The following KDM6A variants were observed in gnomAD, a reference collection of about 807,000 sequenced individuals.
The protein encoded by KDM6A is lysine-specific demethylase 6A.
A neutral mutation model predicts 117.6 loss-of-function variants in KDM6A; 11 were observed. The observed-to-expected ratio is 0.09, with a 90% CI of 0.06 to 0.15. KDM6A has a LOEUF of 0.15. KDM6A is among the 10% of genes least tolerant of loss of function. KDM6A has a pLI of 1.00. For missense variants in KDM6A, 799 were observed against 1,077.3 expected (o/e 0.74, Z 3.62); for synonymous variants, 384 against 396.1 (o/e 0.97, Z 0.36).
chrX:44,920,482 A>G (rs2035851892), intron 2 of KDM6A, among the ~76,000 whole-genome samples: 1 of 107,455 alleles, frequency 9.3e-6, no homozygotes, highest in Admixed American at 1.0e-4. Flanking sequence ...TCTGTCGCCC[A>G]GGCTGGAGTG....
intron 6 of KDM6A, among the ~76,000 whole-genome samples, chrX:45,025,205 C>T (rs1467799018): frequency 1.8e-5 from 2 of 111,327 alleles, no homozygotes; most frequent in Non-Finnish European, 3.8e-5. Context: ...CTCTGTTGCC[C>T]AGGCTGGAAT....
At chrX:44,892,068 G>T (rs1222269791) in intron 2 of KDM6A, among the ~76,000 whole-genome samples, 1 of 112,243 alleles carries the variant, frequency 8.9e-6, no homozygotes, top group Non-Finnish European at 1.9e-5. Context: ...GCTTCTAAGA[G>T]AAGTTACTAT....
chrX:45,064,893 A>C (rs372244598), intron 17 of KDM6A, among the ~76,000 whole-genome samples: 3 of 112,092 alleles, frequency 2.7e-5, no homozygotes, highest in East Asian at 5.6e-4. Context: ...CTGAGTACCT[A>C]CTAGGTTCAT....
chrX:45,041,189 CCCCT>C, intron 8 of KDM6A, among the ~76,000 whole-genome samples: 1 of 82,359 alleles, frequency 1.2e-5, no homozygotes, highest in African/African-American at 5.8e-5. Context: ...CCCCCCCTCC[CCCCT>C]CCCGGACGGG....
intron 10 of KDM6A, among the ~76,000 whole-genome samples, chrX:45,054,553 T>C (rs989543799): frequency 4.5e-5 from 5 of 112,083 alleles, no homozygotes; most frequent in Non-Finnish European, 9.4e-5. Context: ...ATACTATTTA[T>C]CCATTGAATG....
chrX:45,085,830 C>A, intron 24 of KDM6A, 35 bp from the exon 25 acceptor site: 1 of 844,669 alleles, frequency 1.2e-6, no homozygotes, highest in Non-Finnish European at 1.8e-6. Context: ...AATTGCACCA[C>A]TGGAGCTCCA....
chrX:44,957,136 A>T (rs1011528543), intron 2 of KDM6A, among the ~76,000 whole-genome samples: 7 of 110,924 alleles, frequency 6.3e-5, no homozygotes, highest in East Asian at 2.8e-4. Context: ...ATCTCAAAAA[A>T]AAATAAATAA....
intron 6 of KDM6A, among the ~76,000 whole-genome samples, chrX:45,021,865 C>T (rs1439085745): frequency 8.9e-6 from 1 of 111,840 alleles, no homozygotes; most frequent in Non-Finnish European, 1.9e-5. Context: ...GAAGTTACCA[C>T]TTTTCCTCAA....
intron 10 of KDM6A, 146 bp downstream of exon 10, chrX:45,054,101 AAAC>A: frequency 1.7e-5 from 11 of 660,050 alleles, no homozygotes; most frequent in Admixed American, 2.8e-5. Flanking sequence ...CCTGAAAGTT[AAAC>A]AACAAGATAA....
chrX:45,038,955 A>G (rs1187198360), intron 8 of KDM6A, among the ~76,000 whole-genome samples: 16 of 110,016 alleles, frequency 1.5e-4, no homozygotes, highest in Admixed American at 1.5e-3. Flanking sequence ...GTTTTGGCCC[A>G]AGTGTTACAA....
intron 6 of KDM6A, among the ~76,000 whole-genome samples, chrX:45,025,229 C>T (rs2042320573): frequency 9.0e-6 from 1 of 110,720 alleles, no homozygotes. Flanking sequence ...GTGGTGTGAA[C>T]TCGGCTCACT....
chrX:44,936,517 A>G (rs931119354), intron 2 of KDM6A, among the ~76,000 whole-genome samples: 3 of 111,758 alleles, frequency 2.7e-5, no homozygotes, highest in African/African-American at 9.8e-5. Context: ...TTTATAGTTC[A>G]TTTGCAGTTC....
At chrX:45,070,559 G>C (rs1233985048) in intron 18 of KDM6A, among the ~76,000 whole-genome samples, 2 of 111,384 alleles carry the variant, frequency 1.8e-5, no homozygotes, top group Non-Finnish European at 3.8e-5. Flanking sequence ...TGCTTATTTT[G>C]AGTGGGTGTG....
At chrX:44,944,157 G>A (rs922912833) in intron 2 of KDM6A, among the ~76,000 whole-genome samples, 6 of 110,822 alleles carry the variant, frequency 5.4e-5, no homozygotes, top group African/African-American at 2.0e-4. Flanking sequence ...TTCGAGACCA[G>A]CCTGGACAAC....
chrX:45,092,793 T>G (rs776715294), intron 27 of KDM6A, among the ~76,000 whole-genome samples: 1 of 111,466 alleles, frequency 9.0e-6, no homozygotes, highest in Non-Finnish European at 1.9e-5. Context: ...TGCTTAGCCC[T>G]GAATAATGAG....
Position 45,059,002 on chromosome X carries a change from T to G in KDM6A, c.876-4T>G, listed in dbSNP as rs1458962528. On this transcript the variant is annotated splice_region_variant and splice_polypyrimidine_tract_variant and intron_variant, in intron 10 of 29. Transcript: ENST00000611820. ...TTTTTTTTTTTTTTCCCTTCCCTTC[T>G]CAGGTGCTATTCAAGTATTGGGAAA... is the stretch of plus-strand genomic sequence containing the variant. The G allele has an allele frequency of 8.5e-7, 1 of 1,176,850 alleles. No homozygotes were observed. Among genetic ancestry groups the G allele is most frequent in the South Asian group, 1.8e-5 (1 of 56,100 alleles).
At chrX:44,909,317 C>A (rs1461844323) in intron 2 of KDM6A, among the ~76,000 whole-genome samples, 1 of 111,535 alleles carries the variant, frequency 9.0e-6, no homozygotes, top group East Asian at 2.8e-4. Flanking sequence ...GAATAGTATT[C>A]CGGCGTTCAA....
At chrX:44,895,832 A>G (rs1316414998) in intron 2 of KDM6A, among the ~76,000 whole-genome samples, 2 of 100,459 alleles carry the variant, frequency 2.0e-5, no homozygotes, top group Admixed American at 2.1e-4. Flanking sequence ...TGTGTTTCTC[A>G]TTCATCTGCT....
intron 15 of KDM6A, among the ~76,000 whole-genome samples, chrX:45,062,199 CTTG>C (rs1424968799): frequency 9.0e-6 from 1 of 111,510 alleles, no homozygotes; most frequent in African/African-American, 3.3e-5. Context: ...GAAGAGCTTC[CTTG>C]TTCTTTTATG....
Sources: allele counts gnomAD v4.1 joint callset (sites outside exome capture counted in the v4.1 genomes callset), GRCh38; gene constraint gnomAD v4.1.1; transcripts MANE v1.5; gene names NCBI Gene and HGNC (gene_info 2026-07-23, HGNC 2026-07-21).